UBP1: variants seen among roughly 807,000 people sequenced by gnomAD.
The protein encoded by UBP1 is upstream binding protein 1.
UBP1 carries 22 observed loss-of-function variants against 76.1 expected under a neutral mutation model. That is an observed-to-expected ratio of 0.29 (90% confidence interval 0.21 to 0.41). UBP1 has a LOEUF of 0.41. Among genes scored for constraint, UBP1 ranks in the 10% least tolerant of loss-of-function variants. The probability of loss-of-function intolerance (pLI) is 1.00; values close to 1 mark genes in which losing one functional copy is unlikely to be tolerated. For synonymous variants in UBP1, 224 were observed against 237.1 expected, an observed-to-expected ratio of 0.94 and a Z score of 0.51; for missense variants, 436 against 668.1, an observed-to-expected ratio of 0.65 and a Z score of 3.83.
intron 11 of UBP1, 155 bp from the exon 12 acceptor site, chr3:33,397,290 C>G (rs570263413): frequency 1.9e-6 from 1 of 524,488 alleles, no homozygotes; most frequent in South Asian, 3.5e-5. Context: ...CAAACAGACA[C>G]CTGTCCTTCA....
intron 1 of UBP1, among the ~76,000 whole-genome samples, chr3:33,427,494 G>A (rs1198159763): frequency 6.6e-6 from 1 of 152,180 alleles, no homozygotes; most frequent in East Asian, 1.9e-4. Context: ...ACCAATAATA[G>A]GGACTTGTCT....
In UBP1 at chr3:33,402,703, A is replaced by G. The variant is rs902274159; in HGVS notation, c.1031+98T>C. ...CTTCCCCTTACTGTTTCCTTTAGGT[A>G]CAATACAAACAAAAGGCTGCTGTAC... On this transcript the variant is annotated intron_variant, in intron 9 of 15. Transcript: ENST00000283629. 3.5e-6 allele frequency: 3 copies of G among 847,494 alleles called. No homozygotes were observed. The African/African-American group carries it at 5.4e-5, about 15-fold the overall frequency. The allele number at this position is 847,494 out of a possible 1,614,324, so 52.5% of individuals were successfully genotyped here. A position where few individuals can be genotyped will look rare whatever the true frequency, so the allele number is the denominator to read the frequency against.
Position 33,390,119 on chromosome 3 carries a change from C to T in UBP1, c.*212G>A. 1.8e-6 allele frequency: 1 copy of T among 559,878 alleles called. No homozygotes were observed. Among genetic ancestry groups the T allele is most frequent in the Non-Finnish European group, 3.2e-6 (1 of 311,940 alleles). 34.7% of individuals were successfully genotyped at this position (559,878 alleles called of 1,614,324 possible). On this transcript the variant is annotated 3_prime_UTR_variant, in exon 16 of 16. Transcript: ENST00000283629. Reference sequence around the variant, plus strand: ...CCTCCAGAGCTGGATGCATGCTGTGCCGATGTGCTCACTCTCATGAGGATG... The same window carrying T: ...CCTCCAGAGCTGGATGCATGCTGTGTCGATGTGCTCACTCTCATGAGGATG...
chr3:33,435,755 T>A (rs2045194263), intron 1 of UBP1, among the ~76,000 whole-genome samples: 1 of 152,210 alleles, frequency 6.6e-6, no homozygotes, highest in Non-Finnish European at 1.5e-5. Context: ...GGCAACACAG[T>A]ATACTGAATG....
intron 8 of UBP1, chr3:33,403,494 AT>A (rs1251171762): frequency 1.1e-4 from 5 of 47,568 alleles, no homozygotes; most frequent in African/African-American, 3.2e-4. Flanking sequence ...ATCTCTATCT[AT>A]CTATCTATCT....
Position 33,403,564 on chromosome 3 carries a change from G to GTCTATCTATCTATCTATCTATCTA in UBP1, c.928-661_928-660insTAGATAGATAGATAGATAGATAGA, listed in dbSNP as rs1166163762. 1.7e-4 allele frequency: 24 copies of GTCTATCTATCTATCTATCTATCTA among 141,554 alleles called. No homozygotes were observed. The East Asian group carries it at 2.3e-3, about 13-fold the overall frequency. The allele number at this position is 141,554 out of a possible 1,614,324, so 8.8% of individuals were successfully genotyped here. A position where few individuals can be genotyped will look rare whatever the true frequency, so the allele number is the denominator to read the frequency against. On this transcript the variant is annotated intron_variant, in intron 8 of 15. Transcript: ENST00000283629. ...AATCTATCTGTCTGTCTGTCTGTCT[G>GTCTATCTATCTATCTATCTATCTA]TCTGTCTGTCTGTCTGTCTGTCTAT...
At chr3:33,424,770 G>A (rs948549516) in intron 2 of UBP1, among the ~76,000 whole-genome samples, 2 of 152,228 alleles carry the variant, frequency 1.3e-5, no homozygotes, top group African/African-American at 2.4e-5. Flanking sequence ...ACTCGGCCGG[G>A]TGCAATGGCT....
intron 13 of UBP1, among the ~76,000 whole-genome samples, chr3:33,395,761 A>AAAG (rs1160741250): frequency 6.6e-6 from 1 of 151,036 alleles, no homozygotes; most frequent in African/African-American, 2.4e-5. Flanking sequence ...AAAAAAAAAA[A>AAAG]AAAAAAAAAA....
intron 10 of UBP1, 130 bp from the exon 11 acceptor site, chr3:33,400,412 C>A: frequency 1.7e-6 from 1 of 596,626 alleles, no homozygotes; most frequent in Non-Finnish European, 2.8e-6. Context: ...CTCCAGCAAC[C>A]CAAATGATGC....
rs1465173670 is a variant in UBP1 at position 33,390,175 on chromosome 3, C to A, written c.*156G>T. 1 of 694,214 alleles carries A rather than the reference C, an allele frequency of 1.4e-6. No individual in the cohort carries two copies. Among genetic ancestry groups the A allele is most frequent in the Non-Finnish European group, 2.4e-6 (1 of 414,830 alleles). The allele number at this position is 694,214 out of a possible 1,614,324, so 43.0% of individuals were successfully genotyped here. A position where few individuals can be genotyped will look rare whatever the true frequency, so the allele number is the denominator to read the frequency against. The stretch of plus-strand genomic sequence containing the variant: ...CTATGGCAGTGACAGTGAGGAGATT[C>A]ACCTCTCATACAGCTCATTAGAAAG... On this transcript the variant is annotated 3_prime_UTR_variant, in exon 16 of 16. Transcript: ENST00000283629.
In UBP1 at chr3:33,412,830, G is replaced by A. The variant is rs1438966827; in HGVS notation, c.343-3C>T. On this transcript the variant is annotated splice_polypyrimidine_tract_variant and splice_region_variant and intron_variant, in intron 3 of 15. Transcript: ENST00000283629. ...TGGAATACAACCCTTATGATGCTCT[G>A]TGGAATAAGTGCGGAAAATGAGTAC... 6.2e-7 allele frequency: 1 copy of A among 1,602,720 alleles called. No homozygotes were observed. Among genetic ancestry groups the A allele is most frequent in the Admixed American group, 1.7e-5 (1 of 59,976 alleles).
chr3:33,392,684 C>T (rs1185961569), intron 14 of UBP1, 70 bp from the exon 15 acceptor site: 7 of 1,406,180 alleles, frequency 5.0e-6, no homozygotes, highest in Non-Finnish European at 6.9e-6. Flanking sequence ...GATTTTAAAA[C>T]AGTAAATATT....
At chr3:33,418,753 G>T (rs545996131) in intron 2 of UBP1, among the ~76,000 whole-genome samples, 1 of 151,586 alleles carries the variant, frequency 6.6e-6, no homozygotes, top group Admixed American at 6.6e-5. Context: ...CAGCTACTTG[G>T]GAAGCTGAGG....
At chr3:33,438,050 C>CT (rs2045230336) in intron 1 of UBP1, among the ~76,000 whole-genome samples, 1 of 152,102 alleles carries the variant, frequency 6.6e-6, no homozygotes, top group South Asian at 2.1e-4. Context: ...GTAAAGAGTA[C>CT]TGTAGGTTAC....
chr3:33,393,354 G>A lies in UBP1; in HGVS notation c.1491C>T (p.Tyr497=). ...NIPLHQINQV[Y]RQGPTGIHIL... is the part of the protein sequence containing the mutation. Reference sequence around the variant, plus strand: ...TGTGAATACCGGTGGGACCCTGTCTGTAAACCTGATTAATTTGGTGGAGAG... The same window carrying A: ...TGTGAATACCGGTGGGACCCTGTCTATAAACCTGATTAATTTGGTGGAGAG... The change falls in exon 14 of 16, where the codon TAC becomes TAT. Residue 497 remains tyrosine (Y), a synonymous_variant. Transcript: ENST00000283629. 1 of 1,612,670 alleles carries A rather than the reference G, an allele frequency of 6.2e-7. No individual in the cohort carries two copies. The highest frequency in any genetic ancestry group is 2.2e-5 in the East Asian group (1 of 44,826).
Position 33,402,824 on chromosome 3 carries a change from C to T in UBP1, c.1008G>A (p.Gln336=). The T allele has an allele frequency of 6.3e-7, 1 of 1,597,510 alleles. No homozygotes were observed. Among genetic ancestry groups the T allele is most frequent in the Non-Finnish European group, 8.5e-7 (1 of 1,174,198 alleles). The change falls in exon 9 of 16, where the codon CAG becomes CAA. Residue 336 remains glutamine (Q), a synonymous_variant. Coordinates refer to ENST00000283629, the MANE Select transcript of UBP1 (RefSeq NM_014517.5). ...ACCTGTCTGGGACACTGCAAGTGCTCTGCTGTGGGGAGGTGAAAGTGGGCG... is the reference window on the plus strand; with the variant it reads ...ACCTGTCTGGGACACTGCAAGTGCTTTGCTGTGGGGAGGTGAAAGTGGGCG... ...SPAPTFTSPQ[Q]STCSVPDSNS...
At chr3:33,401,958 TA>T (rs1383278539) in intron 9 of UBP1, among the ~76,000 whole-genome samples, 1 of 152,194 alleles carries the variant, frequency 6.6e-6, no homozygotes, top group Non-Finnish European at 1.5e-5. Context: ...TCTTAAAGCA[TA>T]ATAGCCTACA....
At chr3:33,403,816 T>A (rs1342562739) in intron 8 of UBP1, among the ~76,000 whole-genome samples, 1 of 152,212 alleles carries the variant, frequency 6.6e-6, no homozygotes, top group African/African-American at 2.4e-5. Flanking sequence ...CATCACATGG[T>A]GTGATTTCAC....
At chr3:33,418,450 G>A (rs1029242780) in intron 2 of UBP1, among the ~76,000 whole-genome samples, 6 of 151,902 alleles carry the variant, frequency 3.9e-5, no homozygotes. Context: ...GTAGAGACAG[G>A]GTTTCGCCAT....
Sources: gnomAD v4.1 joint callset for allele counts (sites outside exome capture counted in the v4.1 genomes callset) on GRCh38, gnomAD v4.1.1 for gene constraint, MANE v1.5 for transcripts, NCBI Gene and HGNC (gene_info 2026-07-23, HGNC 2026-07-21) for gene names.